LEO1: variants seen among roughly 807,000 people sequenced by gnomAD.
The protein encoded by LEO1 is LEO1 component of Paf1/RNA polymerase II complex, also known as RNA polymerase-associated protein LEO1.
A neutral mutation model predicts 80.4 loss-of-function variants in LEO1; 34 were observed. The ratio of observed to expected loss-of-function variants is 0.42; its 90% CI spans 0.32 to 0.56. The LOEUF is 0.56. LEO1 is among the 20% of genes least tolerant of loss of function. The pLI is 0.10. For missense variants in LEO1, 631 were observed against 814.2 expected, an observed-to-expected ratio of 0.77 and a Z score of 2.74; for synonymous variants, 262 against 274.9, an observed-to-expected ratio of 0.95 and a Z score of 0.46.
At chr15:51,938,831 T>C (rs996533531) in intron 11 of LEO1, among the ~76,000 whole-genome samples, 1 of 143,704 alleles carries the variant, frequency 7.0e-6, no homozygotes, top group Non-Finnish European at 1.6e-5. Context: ...TTTTTACAGA[T>C]AGATAGAATT....
chr15:51,954,081 C>T (rs542517161), intron 7 of LEO1, among the ~76,000 whole-genome samples: 101 of 151,912 alleles, frequency 6.6e-4, no homozygotes, highest in Non-Finnish European at 1.2e-3. Flanking sequence ...TACAGGCGTC[C>T]GCCATCACAC....
Position 51,966,630 on chromosome 15 carries a change from G to T in LEO1, c.59-126C>A, listed in dbSNP as rs766868387. The T allele has an allele frequency of 7.9e-4, 486 of 616,756 alleles. 5 individuals carry two copies. The highest frequency in any genetic ancestry group is 1.6e-4 in the Non-Finnish European group (56 of 352,844). The allele number at this position is 616,756 out of a possible 1,614,324, so 38.2% of individuals were successfully genotyped here. A position where few individuals can be genotyped will look rare whatever the true frequency, so the allele number is the denominator to read the frequency against. On this transcript the variant is annotated intron_variant, in intron 1 of 11. Coordinates refer to ENST00000299601, the MANE Select transcript of LEO1 (RefSeq NM_138792.4). ...AAACTGTTAGAATTAACATTCTAAGGCCGGGTGCAGTGGCTCACGCCTGTA... is the reference window on the plus strand; with the variant it reads ...AAACTGTTAGAATTAACATTCTAAGTCCGGGTGCAGTGGCTCACGCCTGTA...
chr15:51,967,400 G>T (rs1007085488), intron 1 of LEO1, among the ~76,000 whole-genome samples: 4 of 152,070 alleles, frequency 2.6e-5, no homozygotes, highest in African/African-American at 9.7e-5. Flanking sequence ...TTGGATCCAG[G>T]AGGTGGAGGT....
intron 8 of LEO1, 146 bp downstream of exon 8, chr15:51,952,983 T>C: frequency 1.5e-6 from 1 of 647,618 alleles, no homozygotes. Flanking sequence ...AAAATAACCT[T>C]TGAACCTTCA....
At chr15:51,958,926 A>T (rs1262703805) in intron 5 of LEO1, 100 bp from the exon 6 acceptor site, 4 of 550,712 alleles carry the variant, frequency 7.3e-6, no homozygotes, top group Middle Eastern at 5.0e-4. Context: ...ATATCAAAAA[A>T]TCATAATATA....
chr15:51,944,070 C>T (rs899476598), intron 11 of LEO1, among the ~76,000 whole-genome samples: 2 of 152,104 alleles, frequency 1.3e-5, no homozygotes, highest in Non-Finnish European at 2.9e-5. Context: ...GAAAACTTCC[C>T]AGATTTGTTG....
At chr15:51,961,879 A>G (rs1229818638) in intron 3 of LEO1, among the ~76,000 whole-genome samples, 1 of 151,278 alleles carries the variant, frequency 6.6e-6, no homozygotes, top group Non-Finnish European at 1.5e-5. Context: ...AACTATAAAC[A>G]GACTGGGCGC....
intron 2 of LEO1, among the ~76,000 whole-genome samples, chr15:51,964,903 G>C (rs2470615): frequency 0.13 from 19,438 of 152,106 alleles, 1,600 homozygotes; most frequent in East Asian, 0.27. Context: ...GAGCAGAATA[G>C]TCTAAATGGC....
chr15:51,939,843 A>T (rs2056833185), intron 11 of LEO1, among the ~76,000 whole-genome samples: 1 of 152,202 alleles, frequency 6.6e-6, no homozygotes, highest in Non-Finnish European at 1.5e-5. Flanking sequence ...AGCCTGTCCT[A>T]AAGGCCCCTG....
At chr15:51,954,598 T>G in intron 6 of LEO1, 23 bp from the exon 7 acceptor site, 1 of 1,458,394 alleles carries the variant, frequency 6.9e-7, no homozygotes, top group Non-Finnish European at 9.6e-7. Context: ...ACAAGTACTT[T>G]AGAAAATTAT....
intron 7 of LEO1, among the ~76,000 whole-genome samples, chr15:51,954,257 C>T (rs2056970929): frequency 6.6e-6 from 1 of 150,692 alleles, no homozygotes; most frequent in Admixed American, 6.6e-5. Flanking sequence ...CAGGGTGGTG[C>T]ACACCAAGTA....
intron 2 of LEO1, among the ~76,000 whole-genome samples, chr15:51,963,873 G>T (rs955166875): frequency 7.6e-6 from 1 of 131,994 alleles, no homozygotes; most frequent in Admixed American, 8.9e-5. Context: ...CTGCACTCCA[G>T]CCTGGATGAC....
At chr15:51,939,771 CT>C (rs2056832518) in intron 11 of LEO1, among the ~76,000 whole-genome samples, 1 of 152,172 alleles carries the variant, frequency 6.6e-6, no homozygotes, top group Admixed American at 6.5e-5. Context: ...CTCTAAAATC[CT>C]TTAATGAGAT....
chr15:51,945,417 G>A (rs1324546186), intron 11 of LEO1, among the ~76,000 whole-genome samples: 1 of 151,788 alleles, frequency 6.6e-6, no homozygotes, highest in East Asian at 1.9e-4. Context: ...CAGGGCCTAT[G>A]CACTTCCTAA....
chr15:51,971,569 T>C (rs2057123403), intron 1 of LEO1, 119 bp downstream of exon 1: 1 of 980,566 alleles, frequency 1.0e-6, no homozygotes, highest in African/African-American at 1.6e-5. Context: ...CAGGGGGCGC[T>C]GAGGCAGGAG....
chr15:51,953,599 G>A (rs556834664), intron 7 of LEO1, among the ~76,000 whole-genome samples: 7 of 151,714 alleles, frequency 4.6e-5, no homozygotes, highest in African/African-American at 1.5e-4. Flanking sequence ...CAGCCTGGGC[G>A]ACAGGACAAG....
chr15:51,970,259 G>C (rs1262988005), intron 1 of LEO1, among the ~76,000 whole-genome samples: 1 of 152,150 alleles, frequency 6.6e-6, no homozygotes, highest in East Asian at 1.9e-4. Flanking sequence ...CTGGGTTCAA[G>C]TGATTCTCAT....
chr15:51,944,443 A>G (rs2056882430), intron 11 of LEO1, among the ~76,000 whole-genome samples: 1 of 152,248 alleles, frequency 6.6e-6, no homozygotes, highest in African/African-American at 2.4e-5. Flanking sequence ...TATTTCAGAT[A>G]AAGATACCAA....
chr15:51,966,472 G>T lies in LEO1; in HGVS notation c.91C>A (p.Gln31Lys). 6.2e-7 allele frequency: 1 copy of T among 1,610,464 alleles called. No homozygotes were observed. The highest frequency in any genetic ancestry group is 8.5e-7 in the Non-Finnish European group (1 of 1,177,552). ...SDSGSDSDSD[Q>K]ENAASGSNAS... is the part of the protein sequence containing the mutation. ...TTACTGCCAGAGGCAGCATTCTCTT[G>T]ATCAGAATCTGAGTCAGATCCAGAA... The change falls in exon 2 of 12, where the codon CAA becomes AAA. Residue 31 changes from glutamine to lysine, a missense_variant. Coordinates refer to ENST00000299601, the MANE Select transcript of LEO1 (RefSeq NM_138792.4).
Sources: gnomAD v4.1 joint callset for allele counts (sites outside exome capture counted in the v4.1 genomes callset) on GRCh38, gnomAD v4.1.1 for gene constraint, MANE v1.5 for transcripts, NCBI Gene and HGNC (gene_info 2026-07-23, HGNC 2026-07-21) for gene names.